Variants in ODAPH observed in about 807,000 individuals in gnomAD.
The protein encoded by ODAPH is amelogenesis imperfecta type IIA4.
In ODAPH, 2 loss-of-function variants were observed where a neutral mutation model predicts 2.8. The ratio of observed to expected loss-of-function variants is 0.72; its 90% CI spans 0.30 to 2.28. The LOEUF is 2.28. Among genes scored for constraint, ODAPH ranks in the 30% most tolerant of loss-of-function variants. The pLI, the probability that ODAPH is intolerant of heterozygous loss-of-function variation, is 0.13. For missense variants in ODAPH, 159 were observed against 163.3 expected, an observed-to-expected ratio of 0.97 and a Z score of 0.14; for synonymous variants, 75 against 60.3, an observed-to-expected ratio of 1.24 and a Z score of -1.13.
In ODAPH at chr4:75,564,597, G is replaced by A. The variant is rs1305597344; in HGVS notation, c.*158G>A. 6.7e-7 allele frequency: 1 copy of A among 1,487,794 alleles called. No individual in the cohort carries two copies. The highest frequency in any genetic ancestry group is 9.0e-7 in the Non-Finnish European group (1 of 1,112,256). 92.2% of individuals were successfully genotyped at this position (1,487,794 alleles called of 1,614,324 possible). On this transcript the variant is annotated 3_prime_UTR_variant, in exon 2 of 2. Coordinates refer to ENST00000311623, the MANE Select transcript of ODAPH (RefSeq NM_178497.5). ...TGACTAGAAACTGTTCTCTTTGTCA[G>A]CAGTGAAGATATTGGATCATAGGTT...
At chr4:75,562,184 C>T (rs1442876004) in intron 1 of ODAPH, among the ~76,000 whole-genome samples, 1 of 151,916 alleles carries the variant, frequency 6.6e-6, no homozygotes, top group Admixed American at 6.6e-5. Context: ...CAGGGTTCGT[C>T]GATGAAACAG....
chr4:75,558,290 A>C (rs1727424215), intron 1 of ODAPH, among the ~76,000 whole-genome samples: 1 of 152,188 alleles, frequency 6.6e-6, no homozygotes, highest in Non-Finnish European at 1.5e-5. Context: ...CTACAAAATA[A>C]ATTGAGTTTT....
At chr4:75,562,384 G>C (rs1464804447) in intron 1 of ODAPH, among the ~76,000 whole-genome samples, 2 of 148,930 alleles carry the variant, frequency 1.3e-5, no homozygotes, top group Admixed American at 6.7e-5. Context: ...TCGTTGCCCA[G>C]GCTGGAGTGC....
At position 75,561,223 on chromosome 4, in the gene ODAPH, CA is replaced by C. The variant is rs35040152; in HGVS notation, c.68-2870del. On this transcript the variant is annotated intron_variant, in intron 1 of 1. Transcript: ENST00000311623. ...TGGGCAACAGAGCGAAACTCAATCTCAAAAAAAAAAAAAAAAAAAAACGAGA... is the reference window on the plus strand; with the variant it reads ...TGGGCAACAGAGCGAAACTCAATCTCAAAAAAAAAAAAAAAAAAAACGAGA... 3.1e-3 allele frequency among the ~76,000 whole-genome samples: 197 copies of C among 62,668 alleles called. 1 individual carries two copies. Among genetic ancestry groups the C allele is most frequent in the East Asian group, 5.2e-3 (9 of 1,726 alleles). 41.1% of individuals were successfully genotyped at this position (62,668 alleles called of 152,430 possible).
chr4:75,562,401 G>A (rs528359520), intron 1 of ODAPH, among the ~76,000 whole-genome samples: 5 of 149,976 alleles, frequency 3.3e-5, no homozygotes, highest in South Asian at 2.1e-4. Flanking sequence ...GTGCAATGGC[G>A]CAATCTCGGC....
chr4:75,562,236 C>G (rs1727608852), intron 1 of ODAPH, among the ~76,000 whole-genome samples: 1 of 152,010 alleles, frequency 6.6e-6, no homozygotes, highest in Non-Finnish European at 1.5e-5. Flanking sequence ...AAGTAACAAG[C>G]GTATCCAATA....
At position 75,564,197 on chromosome 4, in the gene ODAPH, C is replaced by T; in HGVS notation, c.151C>T (p.Pro51Ser). 1 of 1,614,224 alleles carries T rather than the reference C, an allele frequency of 6.2e-7. No homozygotes were observed. Among genetic ancestry groups the T allele is most frequent in the Non-Finnish European group, 8.5e-7 (1 of 1,180,034 alleles). The stretch of plus-strand genomic sequence containing the variant: ...CTGCCAGATCTTTACACTCACCCCT[C>T]CACCTGCCCCGAGGAGTCCGGTCAC... The part of the protein sequence containing the change: ...TDCQIFTLTP[P>S]PAPRSPVTRA... Residue 51 changes from proline to serine, a missense_variant, in exon 2 of 2, where the codon CCA becomes TCA. Physicochemically the swap from Pro to Ser is moderately conservative, Grantham distance 74. Coordinates refer to ENST00000311623, the MANE Select transcript of ODAPH (RefSeq NM_178497.5).
intron 1 of ODAPH, among the ~76,000 whole-genome samples, 171 bp downstream of exon 1, chr4:75,556,320 T>C (rs1443253224): frequency 6.6e-6 from 1 of 152,216 alleles, no homozygotes; most frequent in Non-Finnish European, 1.5e-5. Context: ...CTGAAGACCT[T>C]GGTCCTCGTC....
At chr4:75,560,251 A>C (rs1056990121) in intron 1 of ODAPH, among the ~76,000 whole-genome samples, 2 of 152,236 alleles carry the variant, frequency 1.3e-5, no homozygotes, top group Admixed American at 1.3e-4. Context: ...TCTCTCCGGA[A>C]TATGAAGCTG....
chr4:75,558,988 G>A (rs1008042457), intron 1 of ODAPH, among the ~76,000 whole-genome samples: 4 of 152,240 alleles, frequency 2.6e-5, no homozygotes, highest in East Asian at 3.9e-4. Flanking sequence ...AAGCCACCAC[G>A]CCCAGCCAAT....
At position 75,561,223 on chromosome 4, in the gene ODAPH, C is replaced by CAAAAAA. The variant is rs35040152; in HGVS notation, c.68-2875_68-2870dup. 3.0e-4 allele frequency among the ~76,000 whole-genome samples: 19 copies of CAAAAAA among 62,668 alleles called. 1 individual carries two copies. The highest frequency in any genetic ancestry group is 0.011 in the Middle Eastern group (1 of 92). The allele number at this position is 62,668 out of a possible 152,430, so 41.1% of individuals were successfully genotyped here. ...TGGGCAACAGAGCGAAACTCAATCT[C>CAAAAAA]AAAAAAAAAAAAAAAAAAAAACGAG... On this transcript the variant is annotated intron_variant, in intron 1 of 1. Transcript: ENST00000311623.
At chr4:75,562,728 G>A (rs190419653) in intron 1 of ODAPH, among the ~76,000 whole-genome samples, 8 of 152,162 alleles carry the variant, frequency 5.3e-5, no homozygotes, top group Admixed American at 5.2e-4. Context: ...CTTTTTTGTA[G>A]CCAATTTGAT....
chr4:75,561,023 C>T (rs1727543702), intron 1 of ODAPH, among the ~76,000 whole-genome samples: 1 of 152,038 alleles, frequency 6.6e-6, no homozygotes, highest in Non-Finnish European at 1.5e-5. Context: ...CGAGACCAGC[C>T]TGGCTAACAC....
chr4:75,561,223 CAAAAAAAAAA>C (rs35040152), intron 1 of ODAPH, among the ~76,000 whole-genome samples: 1 of 62,700 alleles, frequency 1.6e-5, no homozygotes, highest in South Asian at 8.5e-4. Context: ...AACTCAATCT[CAAAAAAAAAA>C]AAAAAAAAAA....
At chr4:75,556,363 A>G (rs942675926) in intron 1 of ODAPH, among the ~76,000 whole-genome samples, 1 of 152,218 alleles carries the variant, frequency 6.6e-6, no homozygotes, top group Non-Finnish European at 1.5e-5. Flanking sequence ...AGACACACTT[A>G]AAATCTCTGA....
At chr4:75,565,519 T>A (rs921116784), downstream of ODAPH, 2 of 152,172 alleles carry the variant, frequency 1.3e-5, no homozygotes, top group Admixed American at 1.3e-4. Flanking sequence ...TCCACAGAGA[T>A]AAGTTCACTC....
chr4:75,558,247 T>G (rs1397403865), intron 1 of ODAPH, among the ~76,000 whole-genome samples: 1 of 152,222 alleles, frequency 6.6e-6, no homozygotes, highest in Non-Finnish European at 1.5e-5. Context: ...TCTGTGAAAT[T>G]AGAGATTTGA....
At position 75,564,279 on chromosome 4, in the gene ODAPH, G is replaced by A. The variant is rs1186139618; in HGVS notation, c.233G>A (p.Arg78Lys). 6.2e-7 allele frequency: 1 copy of A among 1,614,188 alleles called. No individual in the cohort carries two copies. Among genetic ancestry groups the A allele is most frequent in the East Asian group, 2.2e-5 (1 of 44,878 alleles). ...TGTCCCTTCCATTTTTTTCCACGAA[G>A]GCCCAGAATCCATTTTAGGTTTCCA... ...PRCPFHFFPR[R>K]PRIHFRFPNR... Residue 78 changes from arginine (R) to lysine (K), a missense_variant, in exon 2 of 2, where the codon AGG becomes AAG. Physicochemically the swap from Arg to Lys is conservative, Grantham distance 26. Transcript: ENST00000311623.
At chr4:75,556,410 C>T (rs1381718401) in intron 1 of ODAPH, 3 of 757,720 alleles carry the variant, frequency 4.0e-6, no homozygotes, top group Admixed American at 4.6e-5. Flanking sequence ...ACAACATTAA[C>T]AATATCCATC....
Sources: allele counts gnomAD v4.1 joint callset (sites outside exome capture counted in the v4.1 genomes callset), GRCh38; gene constraint gnomAD v4.1.1; transcripts MANE v1.5; gene names NCBI Gene and HGNC (gene_info 2026-07-23, HGNC 2026-07-21).